FER: variants seen among roughly 807,000 people sequenced by gnomAD.
The protein encoded by FER is tyrosine-protein kinase Fer.
A neutral mutation model predicts 111.0 loss-of-function variants in FER; 63 were observed. The ratio of observed to expected loss-of-function variants is 0.57; its 90% CI spans 0.46 to 0.70. The LOEUF (loss-of-function observed/expected upper bound fraction) is 0.70. Ranked by LOEUF, FER falls within the 30% of genes least tolerant of loss-of-function variation. The pLI is 0.00. For synonymous variants in FER, 327 were observed against 313.9 expected (o/e 1.04, Z -0.44); for missense variants, 914 against 954.0 (o/e 0.96, Z 0.55).
At position 109,194,706 on chromosome 5, in the gene FER, A is replaced by G. The variant is rs1326199366; in HGVS notation, c.*7131A>G. ...ATCAGTGGGAAACGTCGGCGTTCTGAGCAACACAGGATAAATGTAGGAGGG... is the reference window on the plus strand; with the variant it reads ...ATCAGTGGGAAACGTCGGCGTTCTGGGCAACACAGGATAAATGTAGGAGGG... On this transcript the variant is annotated 3_prime_UTR_variant, in exon 20 of 20. Transcript: ENST00000281092. The G allele has an allele frequency of 6.6e-6, 1 of 152,226 alleles. No individual in the cohort carries two copies. Among genetic ancestry groups the G allele is most frequent in the Non-Finnish European group, 1.5e-5 (1 of 68,048 alleles). The allele number at this position is 152,226 out of a possible 1,614,324, so 9.4% of individuals were successfully genotyped here.
chr5:109,075,624 C>T (rs1010126766), intron 16 of FER, among the ~76,000 whole-genome samples: 4 of 151,864 alleles, frequency 2.6e-5, no homozygotes, highest in Non-Finnish European at 1.5e-5. Flanking sequence ...GGGGTTTCAC[C>T]GTGTTAGCCA....
chr5:109,099,648 A>C (rs1327524479), intron 16 of FER, among the ~76,000 whole-genome samples: 2 of 151,616 alleles, frequency 1.3e-5, no homozygotes, highest in Non-Finnish European at 3.0e-5. Context: ...CAAGAAAACT[A>C]TATTATTAAA....
At chr5:109,119,895 T>G (rs1393396826) in intron 17 of FER, among the ~76,000 whole-genome samples, 2 of 152,140 alleles carry the variant, frequency 1.3e-5, no homozygotes, top group Non-Finnish European at 2.9e-5. Context: ...CCTTTTCATA[T>G]GCCTATTTGC....
chr5:108,915,336 G>A (rs1282306288), intron 10 of FER, among the ~76,000 whole-genome samples: 1 of 152,136 alleles, frequency 6.6e-6, no homozygotes, highest in African/African-American at 2.4e-5. Context: ...AGCCAGGCGT[G>A]GTGGTGTCAC....
intron 17 of FER, among the ~76,000 whole-genome samples, chr5:109,145,443 TATG>T (rs890723145): frequency 6.6e-6 from 1 of 152,094 alleles, no homozygotes; most frequent in African/African-American, 2.4e-5. Flanking sequence ...ACCTACATAT[TATG>T]TGCTTCAGTG....
intron 13 of FER, among the ~76,000 whole-genome samples, chr5:109,003,585 G>T (rs1765104899): frequency 6.6e-6 from 1 of 151,854 alleles, no homozygotes; most frequent in South Asian, 2.1e-4. Context: ...CCTGCACGTA[G>T]TGCACATGTA....
At chr5:108,852,042 A>G (rs1741412979) in intron 5 of FER, among the ~76,000 whole-genome samples, 1 of 152,162 alleles carries the variant, frequency 6.6e-6, no homozygotes, top group South Asian at 2.1e-4. Context: ...CTTCCTAATT[A>G]TCCTTTCTCT....
chr5:108,998,552 C>T lies in FER; in HGVS notation c.1657-38870C>T, dbSNP rs553453826. Among the ~76,000 whole-genome samples the T allele has an allele frequency of 2.6e-5, 4 of 152,306 alleles. No individual in the cohort carries two copies. In the Middle Eastern group the frequency reaches 0.014, roughly 518 times the overall value. On this transcript the variant is annotated intron_variant, in intron 13 of 19. Transcript: ENST00000281092. ...AATGCAGAAATCCCCTGCCTTCTCC[C>T]TGGGAGCTGCAGACTGGAGCTGTTC... is the stretch of plus-strand genomic sequence containing the variant.
rs565527247 is a variant in FER, at chr5:108,820,644, A to G, written c.208-12126A>G. ...GTGGTTCTCTAACTTTTGAGACTGG[A>G]CCGTAACTGAGCTAATGCAGCTCAG... On this transcript the variant is annotated intron_variant, in intron 3 of 19. Transcript: ENST00000281092. 126 of 590,274 alleles carry G rather than the reference A, an allele frequency of 2.1e-4. No individual in the cohort carries two copies. In the African/African-American group the frequency reaches 2.4e-3, roughly 11 times the overall value. The allele number at this position is 590,274 out of a possible 1,614,324, so 36.6% of individuals were successfully genotyped here.
At chr5:108,902,050 G>A (rs1256853195) in intron 10 of FER, among the ~76,000 whole-genome samples, 2 of 152,128 alleles carry the variant, frequency 1.3e-5, no homozygotes, top group Admixed American at 1.3e-4. Flanking sequence ...CTACTTCTCT[G>A]AACTTAACAG....
intron 2 of FER, among the ~76,000 whole-genome samples, chr5:108,795,394 C>G (rs1000557218): frequency 8.7e-6 from 1 of 114,648 alleles, no homozygotes; most frequent in Non-Finnish European, 1.9e-5. Flanking sequence ...TTTTTGTTTT[C>G]TTTTTTTTTT....
chr5:108,999,916 T>C (rs1157106762), intron 13 of FER, among the ~76,000 whole-genome samples: 1 of 152,124 alleles, frequency 6.6e-6, no homozygotes, highest in Non-Finnish European at 1.5e-5. Context: ...GAAAGCCCTT[T>C]ACTATAACTG....
intron 13 of FER, among the ~76,000 whole-genome samples, chr5:108,999,950 A>T (rs1044177425): frequency 6.6e-6 from 1 of 152,126 alleles, no homozygotes; most frequent in South Asian, 2.1e-4. Context: ...CATAGCACAC[A>T]GTAGTACAGC....
intron 2 of FER, among the ~76,000 whole-genome samples, chr5:108,790,235 C>CCCCA (rs1554065058): frequency 1.4e-5 from 2 of 145,094 alleles, no homozygotes; most frequent in African/African-American, 5.2e-5. Flanking sequence ...TGCATACACA[C>CCCCA]CACACACACA....
chr5:108,776,549 A>T (rs1003257251), intron 2 of FER, among the ~76,000 whole-genome samples: 1 of 152,166 alleles, frequency 6.6e-6, no homozygotes, highest in African/African-American at 2.4e-5. Flanking sequence ...ACTTGCATAT[A>T]CCCTTATATT....
intron 5 of FER, chr5:108,841,749 G>A: frequency 9.6e-6 from 3 of 311,958 alleles, no homozygotes; most frequent in South Asian, 8.5e-5. Flanking sequence ...AGGTGAGAGT[G>A]AGAGCCAAGT....
At chr5:109,160,203 G>A (rs1755848542) in intron 17 of FER, among the ~76,000 whole-genome samples, 1 of 152,232 alleles carries the variant, frequency 6.6e-6, no homozygotes, top group East Asian at 1.9e-4. Flanking sequence ...GTAACTCTTA[G>A]GATTCAGTCA....
intron 2 of FER, among the ~76,000 whole-genome samples, chr5:108,783,619 A>T (rs566935301): frequency 6.6e-6 from 1 of 152,172 alleles, no homozygotes; most frequent in Admixed American, 6.5e-5. Context: ...TAGGTTTATC[A>T]TGCAGGTCTT....
At chr5:108,838,831 A>G in intron 5 of FER, among the ~76,000 whole-genome samples, 1 of 152,192 alleles carries the variant, frequency 6.6e-6, no homozygotes, top group East Asian at 1.9e-4. Flanking sequence ...CTTAAACATT[A>G]AATGTGCATT....
Sources: allele counts gnomAD v4.1 joint callset (sites outside exome capture counted in the v4.1 genomes callset), GRCh38; gene constraint gnomAD v4.1.1; transcripts MANE v1.5; gene names NCBI Gene and HGNC (gene_info 2026-07-23, HGNC 2026-07-21).